MRPS9: variants seen among roughly 807,000 people sequenced by gnomAD.
The protein encoded by MRPS9 is small ribosomal subunit protein uS9m.
A neutral mutation model predicts 59.9 loss-of-function variants in MRPS9; 45 were observed. The observed-to-expected ratio is 0.75, with a 90% CI of 0.59 to 0.96. The LOEUF (loss-of-function observed/expected upper bound fraction) is 0.96, where lower values mean the gene tolerates loss of function less well. Ranked by LOEUF, MRPS9 falls within the 40% of genes least tolerant of loss-of-function variation. The pLI, the probability that MRPS9 is intolerant of heterozygous loss-of-function variation, is 0.00. For synonymous variants in MRPS9, 171 were observed against 166.8 expected, an observed-to-expected ratio of 1.03 and a Z score of -0.19; for missense variants, 473 against 481.1, an observed-to-expected ratio of 0.98 and a Z score of 0.16.
rs192218723 is a variant in MRPS9 at position 105,067,610 on chromosome 2, T to A, written c.316-3703T>A. On this transcript the variant is annotated intron_variant, in intron 2 of 10. Transcript: ENST00000258455. ...CAGTGGCTTTAGCATTTGTTGGTGA[T>A]CCTTGCCTGAAATTGATGGTTAATT... Among the ~76,000 whole-genome samples, 4 of 152,324 alleles carry A rather than the reference T, an allele frequency of 2.6e-5. No individual in the cohort carries two copies. In the East Asian group the frequency reaches 5.8e-4, roughly 22 times the overall value.
intron 5 of MRPS9, among the ~76,000 whole-genome samples, chr2:105,081,031 C>T (rs1378685870): frequency 6.6e-6 from 1 of 152,126 alleles, no homozygotes; most frequent in Non-Finnish European, 1.5e-5. Context: ...AATGGAGCTG[C>T]GGCTCCGGCT....
At chr2:105,043,435 C>T (rs1201171881) in intron 1 of MRPS9, among the ~76,000 whole-genome samples, 2 of 152,030 alleles carry the variant, frequency 1.3e-5, no homozygotes, top group Non-Finnish European at 1.5e-5. Context: ...ATCTGGGGCA[C>T]CTGACTCAAA....
rs945171081 is a variant in MRPS9 at position 105,071,358 on chromosome 2, G to A, written c.361G>A (p.Ala121Thr). Residue 121 changes from alanine to threonine, a missense_variant, in exon 3 of 11, where the codon GCC becomes ACC. By Grantham distance (58) the Ala-to-Thr change is moderately conservative (BLOSUM62 0). Transcript: ENST00000258455. The stretch of plus-strand genomic sequence containing the variant: ...CCCAAGTGGTTTGTTTGAGAAACGA[G>A]CCAGGCCAGTAATGAAGGTAGTTAT... ...LFPSGLFEKR[A>T]RPVMKHPEQI... The A allele has an allele frequency of 6.2e-7, 1 of 1,609,870 alleles. No homozygotes were observed. Among genetic ancestry groups the A allele is most frequent in the East Asian group, 2.2e-5 (1 of 44,796 alleles).
chr2:105,097,252 G>A lies in MRPS9; in HGVS notation c.1027G>A (p.Ala343Thr). 1 of 1,613,288 alleles carries A rather than the reference G, an allele frequency of 6.2e-7. No homozygotes were observed. Among genetic ancestry groups the A allele is most frequent in the East Asian group, 2.2e-5 (1 of 44,782 alleles). ...SGGGRSAQAG[A>T]IRLAMAKALC... is the part of the protein sequence containing the mutation. ...GGGCGGGAGGTCAGCGCAGGCTGGA[G>A]CAATACGACTGGCAATGGCAAAAGC... Residue 343 changes from alanine to threonine, a missense_variant, in exon 10 of 11, where the codon GCA (alanine) becomes ACA (threonine). Transcript: ENST00000258455.
chr2:105,038,332 C>G, intron 1 of MRPS9, 105 bp downstream of exon 1: 1 of 1,445,852 alleles, frequency 6.9e-7, no homozygotes, highest in Non-Finnish European at 9.4e-7. Flanking sequence ...GGCAGGGACT[C>G]TAGGATCTTA....
chr2:105,090,009 C>A lies in MRPS9; in HGVS notation c.651+14C>A. On this transcript the variant is annotated intron_variant, in intron 7 of 10. Transcript: ENST00000258455. ...TCAGATCTAGATGTGAGTAATTAATCTTTTTAATTTAAGGGGACCTATGCA... is the reference window on the plus strand; with the variant it reads ...TCAGATCTAGATGTGAGTAATTAATATTTTTAATTTAAGGGGACCTATGCA... 3 of 1,504,452 alleles carry A rather than the reference C, an allele frequency of 2.0e-6. No individual in the cohort carries two copies. The highest frequency in any genetic ancestry group is 2.8e-6 in the Non-Finnish European group (3 of 1,088,320). 93.2% of individuals were successfully genotyped at this position (1,504,452 alleles called of 1,614,324 possible). A position where few individuals can be genotyped will look rare whatever the true frequency, so the allele number is the denominator to read the frequency against.
chr2:105,053,362 A>G (rs911557849), intron 2 of MRPS9, among the ~76,000 whole-genome samples: 26 of 152,322 alleles, frequency 1.7e-4, no homozygotes, highest in Middle Eastern at 3.4e-3. Context: ...TCACATAGAC[A>G]AATTAGGCAC....
At position 105,092,413 on chromosome 2, in the gene MRPS9, A is replaced by G. The variant is rs757444980; in HGVS notation, c.664A>G (p.Ile222Val). ...TTATTGTCTGCAGTATATGCAGTTCATTCGGCTGCTAGAAAAGTTATTGAC... is the reference window on the plus strand; with the variant it reads ...TTATTGTCTGCAGTATATGCAGTTCGTTCGGCTGCTAGAAAAGTTATTGAC... ...KLSDLDYMQF[I>V]RLLEKLLTSQ... The change falls in exon 8 of 11, where the codon ATT becomes GTT. Residue 222 changes from isoleucine to valine, a missense_variant. Transcript: ENST00000258455. 2.5e-6 allele frequency: 4 copies of G among 1,611,248 alleles called. No homozygotes were observed. Among genetic ancestry groups the G allele is most frequent in the Non-Finnish European group, 3.4e-6 (4 of 1,179,272 alleles).
intron 5 of MRPS9, among the ~76,000 whole-genome samples, chr2:105,083,319 G>C (rs982688517): frequency 2.0e-5 from 3 of 152,150 alleles, no homozygotes; most frequent in Non-Finnish European, 4.4e-5. Flanking sequence ...AGGCCAGAGA[G>C]TGGGCTGCCC....
chr2:105,095,453 A>T (rs1280016326), intron 9 of MRPS9, among the ~76,000 whole-genome samples: 1 of 152,080 alleles, frequency 6.6e-6, no homozygotes, highest in African/African-American at 2.4e-5. Flanking sequence ...GGTCGAGGTA[A>T]ATGCAATAGT....
At chr2:105,097,043 A>G (rs528061017) in intron 9 of MRPS9, 112 bp from the exon 10 acceptor site, 11 of 1,130,580 alleles carry the variant, frequency 9.7e-6, no homozygotes, top group Admixed American at 3.2e-5. Flanking sequence ...TATGAAAAGT[A>G]TAACAGTGGC....
chr2:105,058,929 C>T (rs1056389435), intron 2 of MRPS9, among the ~76,000 whole-genome samples: 6 of 152,170 alleles, frequency 3.9e-5, no homozygotes, highest in African/African-American at 4.8e-5. Context: ...CCACCCACCT[C>T]GGCCTCCCAA....
At chr2:105,080,558 T>C (rs1680309441) in intron 5 of MRPS9, among the ~76,000 whole-genome samples, 1 of 152,200 alleles carries the variant, frequency 6.6e-6, no homozygotes, top group African/African-American at 2.4e-5. Flanking sequence ...ACAGTTTGAC[T>C]TCCAACTGCA....
At chr2:105,076,590 T>G (rs1680216702) in intron 4 of MRPS9, among the ~76,000 whole-genome samples, 1 of 152,234 alleles carries the variant, frequency 6.6e-6, no homozygotes. Flanking sequence ...CAGAGTTTGG[T>G]CAAGACTTTA....
At chr2:105,090,446 T>C (rs1039508147) in intron 7 of MRPS9, among the ~76,000 whole-genome samples, 1 of 152,226 alleles carries the variant, frequency 6.6e-6, no homozygotes, top group African/African-American at 2.4e-5. Context: ...GTAAGGTCAG[T>C]GGTTTTTATC....
At chr2:105,052,262 G>C (rs191026774) in intron 2 of MRPS9, among the ~76,000 whole-genome samples, 3 of 152,178 alleles carry the variant, frequency 2.0e-5, no homozygotes, top group Admixed American at 6.5e-5. Context: ...CGTTTTTCAT[G>C]GGTGCTCTAT....
At position 105,038,193 on chromosome 2, in the gene MRPS9, C is replaced by T. The variant is rs1357628430; in HGVS notation, c.101C>T (p.Ala34Val). 4.5e-5 allele frequency: 72 copies of T among 1,612,992 alleles called. No individual in the cohort carries two copies. The highest frequency in any genetic ancestry group is 6.1e-5 in the Non-Finnish European group (72 of 1,179,592). ...LARKQGLWKT[A>V]APELQTNVRS... ...CGGAAGCAAGGCCTCTGGAAAACCG[C>T]GGCCCCTGAGTTGCAAACAAATGTC... The change falls in exon 1 of 11, where the codon GCG (alanine) becomes GTG (valine). Residue 34 changes from alanine (A) to valine (V), a missense_variant. By Grantham distance (64) the Ala-to-Val change is moderately conservative. Transcript: ENST00000258455.
At chr2:105,094,427 C>T (rs750139278) in intron 9 of MRPS9, among the ~76,000 whole-genome samples, 15 of 152,236 alleles carry the variant, frequency 9.9e-5, no homozygotes, top group Middle Eastern at 3.4e-3. Context: ...TCATTATCCA[C>T]GAGTAACAGA....
intron 2 of MRPS9, among the ~76,000 whole-genome samples, chr2:105,053,503 G>T (rs1252638485): frequency 6.6e-6 from 1 of 152,092 alleles, no homozygotes; most frequent in Non-Finnish European, 1.5e-5. Flanking sequence ...AAACATTTAA[G>T]ATTTAAAACA....
Sources: gnomAD v4.1 joint callset for allele counts (sites outside exome capture counted in the v4.1 genomes callset) on GRCh38, gnomAD v4.1.1 for gene constraint, MANE v1.5 for transcripts, NCBI Gene and HGNC (gene_info 2026-07-23, HGNC 2026-07-21) for gene names.